TBC1D5: variants seen among roughly 807,000 people sequenced by gnomAD.
TBC1D5 encodes the protein TBC1 domain family, member 5.
TBC1D5 carries 75 observed loss-of-function variants against 100.3 expected under a neutral mutation model. The observed-to-expected ratio is 0.75, with a 90% CI of 0.62 to 0.91. The LOEUF (loss-of-function observed/expected upper bound fraction) is 0.91. Among genes scored for constraint, TBC1D5 ranks in the 40% least tolerant of loss-of-function variants. TBC1D5 has a pLI of 0.00. For synonymous variants in TBC1D5, 323 were observed against 325.6 expected (o/e 0.99, Z 0.09); for missense variants, 910 against 942.4 (o/e 0.97, Z 0.45).
At chr3:17,605,330 C>T (rs374764994) in intron 2 of TBC1D5, among the ~76,000 whole-genome samples, 19 of 152,264 alleles carry the variant, frequency 1.2e-4, no homozygotes, top group East Asian at 3.9e-4. Context: ...TTATAATACC[C>T]TAGAGACCAT....
chr3:17,734,457 C>T (rs140674250), intron 1 of TBC1D5, among the ~76,000 whole-genome samples: 10 of 152,160 alleles, frequency 6.6e-5, no homozygotes, highest in East Asian at 1.9e-4. Flanking sequence ...TACTGTACAA[C>T]TAAACATGTT....
At position 17,247,988 on chromosome 3, in the gene TBC1D5, ATTTTTTT is replaced by A. The variant is rs201892029; in HGVS notation, c.1332-9576_1332-9570del. On this transcript the variant is annotated intron_variant, in intron 16 of 21. Transcript: ENST00000253692. Reference sequence around the variant, plus strand: ...CCCCATGTGGTTACTTCCTCCACTAATTTTTTTTTTTTTTTTTCTTCTAAACAGAGTC... The same window carrying A: ...CCCCATGTGGTTACTTCCTCCACTAATTTTTTTTTTCTTCTAAACAGAGTC... Among the ~76,000 whole-genome samples the A allele has an allele frequency of 7.0e-3, 987 of 141,224 alleles. 7 individuals are homozygous for A. The highest frequency in any genetic ancestry group is 0.018 in the Middle Eastern group (5 of 278). The allele number at this position is 141,224 out of a possible 152,430, so 92.6% of individuals were successfully genotyped here.
intron 13 of TBC1D5, among the ~76,000 whole-genome samples, chr3:17,352,508 T>C (rs2090724167): frequency 6.6e-6 from 1 of 151,848 alleles, no homozygotes; most frequent in Non-Finnish European, 1.5e-5. Flanking sequence ...GGGTTCCTTT[T>C]ATAGAGTTGA....
intron 15 of TBC1D5, among the ~76,000 whole-genome samples, chr3:17,264,793 A>C (rs2078682172): frequency 6.6e-6 from 1 of 152,212 alleles, no homozygotes; most frequent in Non-Finnish European, 1.5e-5. Flanking sequence ...TTCCCAGCAC[A>C]ATACCAGGCA....
At chr3:17,706,714 A>G (rs1470404718) in intron 1 of TBC1D5, among the ~76,000 whole-genome samples, 2 of 152,072 alleles carry the variant, frequency 1.3e-5, no homozygotes, top group Admixed American at 6.6e-5. Flanking sequence ...ATAATTATGC[A>G]TAATTATATA....
At chr3:17,383,013 C>G (rs2093012159) in intron 9 of TBC1D5, among the ~76,000 whole-genome samples, 1 of 151,846 alleles carries the variant, frequency 6.6e-6, no homozygotes, top group Non-Finnish European at 1.5e-5. Flanking sequence ...AAAAATATTA[C>G]TATTAAAAAT....
At chr3:17,287,456 C>A (rs2081290474) in intron 15 of TBC1D5, among the ~76,000 whole-genome samples, 1 of 152,140 alleles carries the variant, frequency 6.6e-6, no homozygotes, top group South Asian at 2.1e-4. Flanking sequence ...AGAACAGACG[C>A]CAGGAATCCG....
At chr3:17,254,528 TGAGTA>T (rs2077459373) in intron 16 of TBC1D5, among the ~76,000 whole-genome samples, 1 of 152,278 alleles carries the variant, frequency 6.6e-6, no homozygotes, top group South Asian at 2.1e-4. Context: ...AAGAGGCTGT[TGAGTA>T]TTTTGCCTAT....
chr3:17,565,270 G>A (rs577353572), intron 2 of TBC1D5, among the ~76,000 whole-genome samples: 5 of 152,222 alleles, frequency 3.3e-5, no homozygotes, highest in African/African-American at 1.2e-4. Flanking sequence ...CAGTTTTTGA[G>A]TACTATGTTT....
intron 1 of TBC1D5, among the ~76,000 whole-genome samples, chr3:17,626,934 G>A (rs977289703): frequency 2.0e-5 from 3 of 152,076 alleles, no homozygotes; most frequent in Non-Finnish European, 2.9e-5. Flanking sequence ...GGCAAAGTGG[G>A]GCCAATGAAG....
At chr3:17,176,776 G>A (rs1253566166) in intron 19 of TBC1D5, among the ~76,000 whole-genome samples, 1 of 150,814 alleles carries the variant, frequency 6.6e-6, no homozygotes, top group Non-Finnish European at 1.5e-5. Context: ...TTCTGCACAT[G>A]CACCCCAGAA....
chr3:17,728,723 T>C (rs73170877), intron 1 of TBC1D5, among the ~76,000 whole-genome samples: 7,503 of 151,674 alleles, frequency 0.049, 589 homozygotes, highest in African/African-American at 0.17. Flanking sequence ...ACAGAAAAAA[T>C]ATTTTCAAAT....
chr3:17,202,804 T>C (rs2071632990), intron 18 of TBC1D5, among the ~76,000 whole-genome samples: 1 of 152,198 alleles, frequency 6.6e-6, no homozygotes. Flanking sequence ...GGACAAGAGT[T>C]GAGGCTTGGG....
At chr3:17,457,104 C>CT (rs1267422573) in intron 3 of TBC1D5, among the ~76,000 whole-genome samples, 3 of 151,776 alleles carry the variant, frequency 2.0e-5, no homozygotes, top group Non-Finnish European at 4.4e-5. Context: ...TTCTAATTGT[C>CT]TTTAAGACAT....
chr3:17,373,354 G>A (rs150654032), intron 12 of TBC1D5, among the ~76,000 whole-genome samples: 2 of 152,236 alleles, frequency 1.3e-5, no homozygotes, highest in African/African-American at 4.8e-5. Flanking sequence ...AAGGAAATAA[G>A]CCATACTGGA....
At chr3:17,411,293 G>A (rs951457590) in intron 4 of TBC1D5, among the ~76,000 whole-genome samples, 1 of 151,928 alleles carries the variant, frequency 6.6e-6, no homozygotes, top group Admixed American at 6.6e-5. Context: ...TGACAGTATA[G>A]TGTAATCATA....
chr3:17,565,597 T>G (rs1330631980), intron 2 of TBC1D5, among the ~76,000 whole-genome samples: 1 of 152,008 alleles, frequency 6.6e-6, no homozygotes, highest in Non-Finnish European at 1.5e-5. Context: ...CAACAAATAG[T>G]TTTTTATTTA....
In TBC1D5 at chr3:17,331,185, G is replaced by A. The variant is rs9824210; in HGVS notation, c.996-23051C>T. On this transcript the variant is annotated intron_variant, in intron 13 of 21. Transcript: ENST00000253692. ...GAGGACAGAGTTTAAACTCTTAACCGAGATGGTAAGGCTCTTCCTGGCTTT... is the reference window on the plus strand; with the variant it reads ...GAGGACAGAGTTTAAACTCTTAACCAAGATGGTAAGGCTCTTCCTGGCTTT... Among the ~76,000 whole-genome samples the A allele has an allele frequency of 1.0e-3, 152 of 152,164 alleles. 1 individual carries two copies. The highest frequency in any genetic ancestry group is 3.3e-3 in the African/African-American group (138 of 41,528).
At chr3:17,332,788 G>A (rs774086721) in intron 13 of TBC1D5, among the ~76,000 whole-genome samples, 2 of 152,148 alleles carry the variant, frequency 1.3e-5, no homozygotes, top group African/African-American at 2.4e-5. Context: ...ATTGATAACT[G>A]CATATAGTAA....
Sources: allele counts gnomAD v4.1 joint callset (sites outside exome capture counted in the v4.1 genomes callset), GRCh38; gene constraint gnomAD v4.1.1; transcripts MANE v1.5; gene names NCBI Gene and HGNC (gene_info 2026-07-23, HGNC 2026-07-21).